Variants in NACA observed in about 807,000 individuals in gnomAD.
NACA encodes nascent polypeptide associated complex subunit alpha.
NACA carries 42 observed loss-of-function variants against 86.4 expected under a neutral mutation model. The ratio of observed to expected loss-of-function variants is 0.49; its 90% CI spans 0.38 to 0.63. The LOEUF is 0.63. Ranked by LOEUF, NACA falls within the 20% of genes least tolerant of loss-of-function variation. The pLI is 0.00. For synonymous variants in NACA, 898 were observed against 973.7 expected (o/e 0.92, Z 1.45); for missense variants, 2,157 against 2,483.6 (o/e 0.87, Z 2.80).
intron 1 of NACA, chr12:56,724,779 G>A (rs1953667793): frequency 1.2e-5 from 6 of 488,974 alleles, no homozygotes; most frequent in East Asian, 3.7e-5. Flanking sequence ...CTCGATCATG[G>A]GAGACTTCAG....
In NACA at chr12:56,721,311, A is replaced by T; in HGVS notation, c.219T>A (p.Ile73=). The T allele has an allele frequency of 2.5e-6, 4 of 1,612,482 alleles. No homozygotes were observed. Among genetic ancestry groups the T allele is most frequent in the Non-Finnish European group, 3.4e-6 (4 of 1,179,242 alleles). Residue 73 remains isoleucine, a synonymous_variant, in exon 3 of 9, where the codon ATT becomes ATA. Transcript: ENST00000454682. ...QASPFPSPST[I]ASTPLEVPFP... ...AAGGAACTTCTAAAGGGGTCGAGGC[A>T]ATAGTAGAGGGGGAAGGGAATGGGG...
Position 56,718,765 on chromosome 12 carries a change from C to G in NACA, c.2765G>C (p.Arg922Pro), listed in dbSNP as rs560184409. The G allele has an allele frequency of 1.5e-5, 21 of 1,442,736 alleles. No individual in the cohort carries two copies. In the Admixed American group the frequency reaches 3.3e-4, roughly 23 times the overall value. 89.4% of individuals were successfully genotyped at this position (1,442,736 alleles called of 1,614,324 possible). ...GATTCCTTTAGGGGCTGGAGTTGCT[C>G]GGGCCTTTTTGGGGGAGGAAGAAGT... The part of the protein sequence containing the change: ...SMTSSSPKKA[R>P]ATPAPKGIPA... Residue 922 changes from arginine to proline, a missense_variant, in exon 3 of 9, where the codon CGA becomes CCA. Transcript: ENST00000454682.
chr12:56,714,165 G>C, intron 5 of NACA, 197 bp downstream of exon 5: 1 of 575,968 alleles, frequency 1.7e-6, no homozygotes, highest in South Asian at 2.2e-5. Flanking sequence ...ACTTTCAACG[G>C]GATTCTACCA....
chr12:56,720,996 G>A lies in NACA; in HGVS notation c.534C>T (p.Pro178=). ...TAGTCTTTGGTTCTGAGGGAGCAAT[G>A]GGAGCTGACAGAGTTATCACTGACC... ...ESGSVITLSA[P]IAPSEPKTNL... The change falls in exon 3 of 9, where the codon CCC becomes CCT. Residue 178 remains proline, a synonymous_variant. Transcript: ENST00000454682. 1 of 1,613,964 alleles carries A rather than the reference G, an allele frequency of 6.2e-7. No individual in the cohort carries two copies. Among genetic ancestry groups the A allele is most frequent in the Non-Finnish European group, 8.5e-7 (1 of 1,179,864 alleles).
At chr12:56,724,693 G>C (rs2137840929) in intron 1 of NACA, 170 bp from the exon 2 acceptor site, 1 of 646,330 alleles carries the variant, frequency 1.5e-6, no homozygotes, top group Non-Finnish European at 2.7e-6. Flanking sequence ...TAAATATGAT[G>C]TGACCCTCAC....
rs1348697914 is a variant in NACA at position 56,725,243 on chromosome 12, G to A, written c.-3+20C>T. ...GGCGGATGGCTGCGGATAGACAGTA[G>A]CGGCACAGAAAGTACTTACTGTGCA... is the stretch of plus-strand genomic sequence containing the variant. On this transcript the variant is annotated intron_variant, in intron 1 of 8. Coordinates refer to ENST00000454682, the MANE Select transcript of NACA (RefSeq NM_001365896.1). 1 of 152,672 alleles carries A rather than the reference G, an allele frequency of 6.5e-6. No individual in the cohort carries two copies. Among genetic ancestry groups the A allele is most frequent in the Non-Finnish European group, 1.5e-5 (1 of 68,258 alleles). The allele number at this position is 152,672 out of a possible 1,614,324, so 9.5% of individuals were successfully genotyped here.
At position 56,716,136 on chromosome 12, in the gene NACA, G is replaced by C; in HGVS notation, c.5394C>G (p.Val1798=). 4 of 1,613,508 alleles carry C rather than the reference G, an allele frequency of 2.5e-6. No individual in the cohort carries two copies. The highest frequency in any genetic ancestry group is 3.4e-6 in the Non-Finnish European group (4 of 1,179,758). Residue 1798 remains valine (V), a synonymous_variant, in exon 3 of 9, where the codon GTC becomes GTG. Coordinates refer to ENST00000454682, the MANE Select transcript of NACA (RefSeq NM_001365896.1). ...CTGGGGAGGGAGCAAGAGGCAGAGA[G>C]ACTGGTGGGGAGGGTGCTGCAGAGA... The part of the protein sequence containing the change: ...ASVSAAPSPP[V]SLPLAPSPVP...
chr12:56,722,750 C>G (rs975216384), intron 2 of NACA, among the ~76,000 whole-genome samples: 1 of 152,082 alleles, frequency 6.6e-6, no homozygotes. Context: ...GATCCCCACT[C>G]CTTAACTTGG....
intron 2 of NACA, among the ~76,000 whole-genome samples, chr12:56,723,999 C>T (rs1485178621): frequency 3.3e-5 from 5 of 152,168 alleles, no homozygotes; most frequent in African/African-American, 9.7e-5. Context: ...ACACATTTAC[C>T]ACCAGCACAC....
At chr12:56,724,703 C>A (rs1953665015) in intron 1 of NACA, 180 bp from the exon 2 acceptor site, 1 of 617,290 alleles carries the variant, frequency 1.6e-6, no homozygotes, top group African/African-American at 1.9e-5. Context: ...GTGACCCTCA[C>A]GCCTCTATCA....
chr12:56,718,505 G>A lies in NACA; in HGVS notation c.3025C>T (p.Pro1009Ser), dbSNP rs748372955. 2.4e-6 allele frequency: 3 copies of A among 1,254,532 alleles called. No individual in the cohort carries two copies. The highest frequency in any genetic ancestry group is 1.7e-5 in the African/African-American group (1 of 57,250). 77.7% of individuals were successfully genotyped at this position (1,254,532 alleles called of 1,614,324 possible). ...GGAGGAGTCACAGCTGGGGGTGTGGGGGCCCCTTTGGGGGATGGAGTAGCT... is the reference window on the plus strand; with the variant it reads ...GGAGGAGTCACAGCTGGGGGTGTGGAGGCCCCTTTGGGGGATGGAGTAGCT... Reference protein sequence around the residue: ...GPATPSPKGAPTPPAVTPPSP... With the variant: ...GPATPSPKGASTPPAVTPPSP... The change falls in exon 3 of 9, where the codon CCC becomes TCC. Residue 1009 changes from proline to serine, a missense_variant. Physicochemically the swap from Pro to Ser is moderately conservative, Grantham distance 74 (BLOSUM62 -1). Around this residue, in one of 8 missense-constraint regions of NACA, gnomAD observed 124 missense variants for 186.5 expected, o/e 0.66. Coordinates refer to ENST00000454682, the MANE Select transcript of NACA (RefSeq NM_001365896.1).
chr12:56,717,062 G>T lies in NACA; in HGVS notation c.4468C>A (p.Pro1490Thr). The change falls in exon 3 of 9, where the codon CCC becomes ACC. Residue 1490 changes from proline to threonine, a missense_variant. This residue lies in a region of NACA where 797 missense variants were observed against 777.6 expected (regional missense o/e 1.02). Transcript: ENST00000454682. ...APKQVATSSS[P>T]KKAPATPAPM... Reference sequence around the variant, plus strand: ...GCTGGAGTTGCTGGGGCCTTTTTGGGAGAGGAAGAAGTGGCAACTTGTTTG... The same window carrying T: ...GCTGGAGTTGCTGGGGCCTTTTTGGTAGAGGAAGAAGTGGCAACTTGTTTG... 1 of 1,252,330 alleles carries T rather than the reference G, an allele frequency of 8.0e-7. No homozygotes were observed. Among genetic ancestry groups the T allele is most frequent in the South Asian group, 1.8e-5 (1 of 56,748 alleles). 77.6% of individuals were successfully genotyped at this position (1,252,330 alleles called of 1,614,324 possible). A position where few individuals can be genotyped will look rare whatever the true frequency, so the allele number is the denominator to read the frequency against.
At chr12:56,722,464 C>T (rs1279037881) in intron 2 of NACA, among the ~76,000 whole-genome samples, 2 of 152,122 alleles carry the variant, frequency 1.3e-5, no homozygotes, top group African/African-American at 4.8e-5. Flanking sequence ...CCTGGGAGGG[C>T]GGATCACGAG....
Position 56,721,272 on chromosome 12 carries a change from G to A in NACA, c.258C>T (p.Ser86=), listed in dbSNP as rs761674547. 1.2e-6 allele frequency: 2 copies of A among 1,613,144 alleles called. No individual in the cohort carries two copies. Among genetic ancestry groups the A allele is most frequent in the Non-Finnish European group, 1.7e-6 (2 of 1,179,498 alleles). ...TTCCCAAAGGTAGGGCTGTTCCAGA[G>A]GATGACTGGGGAAAAGGAACTTCTA... is the stretch of plus-strand genomic sequence containing the variant. ...TPLEVPFPQS[S]SGTALPLGTA... Residue 86 remains serine, a synonymous_variant, in exon 3 of 9, where the codon TCC becomes TCT. Transcript: ENST00000454682.
rs769935805 is a variant in NACA at position 56,716,908 on chromosome 12, G to A, written c.4622C>T (p.Thr1541Ile). Residue 1541 changes from threonine to isoleucine, a missense_variant, in exon 3 of 9, where the codon ACT becomes ATT. By Grantham distance (89) the Thr-to-Ile change is moderately conservative. Around this residue, in one of 8 missense-constraint regions of NACA, gnomAD observed 797 missense variants for 777.6 expected, o/e 1.02. Coordinates refer to ENST00000454682, the MANE Select transcript of NACA (RefSeq NM_001365896.1). ...ATLLSKKTPA[T>I]LAPKEALIPP... ...AATGAGGGCCTCTTTGGGGGCTAGAGTTGCTGGGGTCTTTTTAGAGAGAAG... is the reference window on the plus strand; with the variant it reads ...AATGAGGGCCTCTTTGGGGGCTAGAATTGCTGGGGTCTTTTTAGAGAGAAG... 5 of 1,316,330 alleles carry A rather than the reference G, an allele frequency of 3.8e-6. No individual in the cohort carries two copies. The highest frequency in any genetic ancestry group is 1.6e-5 in the South Asian group (1 of 63,822). 81.5% of individuals were successfully genotyped at this position (1,316,330 alleles called of 1,614,324 possible).
chr12:56,714,942 A>C (rs986620146), intron 3 of NACA, among the ~76,000 whole-genome samples: 3 of 152,216 alleles, frequency 2.0e-5, no homozygotes, highest in African/African-American at 7.2e-5. Context: ...GCAGTTTAAT[A>C]TACTGTAACT....
chr12:56,713,704 T>A, intron 5 of NACA, 21 bp from the exon 6 acceptor site: 1 of 1,612,070 alleles, frequency 6.2e-7, no homozygotes, highest in Non-Finnish European at 8.5e-7. Context: ...GAAAATAGTA[T>A]CAGGTTTTCA....
intron 5 of NACA, 85 bp downstream of exon 5, chr12:56,714,277 T>G: frequency 7.0e-7 from 1 of 1,425,418 alleles, no homozygotes; most frequent in Non-Finnish European, 9.8e-7. Context: ...AAATACCACC[T>G]GTTCCCCAAA....
chr12:56,720,433 A>T lies in NACA; in HGVS notation c.1097T>A (p.Val366Glu). The T allele has an allele frequency of 1.2e-6, 2 of 1,613,750 alleles. No individual in the cohort carries two copies. The highest frequency in any genetic ancestry group is 2.2e-5 in the South Asian group (2 of 91,066). Residue 366 changes from valine to glutamate, a missense_variant, in exon 3 of 9, where the codon GTA becomes GAA. Val to Glu is a moderately radical substitution (Grantham distance 121, BLOSUM62 -2). Around this residue, in one of 8 missense-constraint regions of NACA, gnomAD observed 947 missense variants for 917.9 expected, o/e 1.03. Coordinates refer to ENST00000454682, the MANE Select transcript of NACA (RefSeq NM_001365896.1). ...AAAGGCAGCCACAGTAGCAGGAACT[A>T]CCTCATTTCTGGAAGGAAGGGGAGG... is the stretch of plus-strand genomic sequence containing the variant. ...VIPPLPSRNE[V>E]VPATVAAFPV...
Sources: allele counts gnomAD v4.1 joint callset (sites outside exome capture counted in the v4.1 genomes callset), GRCh38; gene constraint gnomAD v4.1.1; regional missense constraint gnomAD v4.1.1; transcripts MANE v1.5; gene names NCBI Gene and HGNC (gene_info 2026-07-23, HGNC 2026-07-21).